MADD: variants seen among roughly 807,000 people sequenced by gnomAD.
MADD encodes the protein MAP kinase activating death domain.
A neutral mutation model predicts 176.7 loss-of-function variants in MADD; 109 were observed. The observed-to-expected ratio is 0.62, with a 90% CI of 0.53 to 0.72. The LOEUF is 0.72. Among genes scored for constraint, MADD ranks in the 30% least tolerant of loss-of-function variants. The pLI is 0.00. For synonymous variants in MADD, 771 were observed against 771.3 expected (o/e 1.00, Z 0.01); for missense variants, 1,914 against 2,045.5 (o/e 0.94, Z 1.24).
At chr11:47,328,676 T>C (rs758713524) in exon 32 of MADD, 1 of 1,614,214 alleles carries the variant, frequency 6.2e-7, no homozygotes, top group South Asian at 1.1e-5. Flanking sequence ...ATTAAAGAAG[T>C]GGTGAGCCAC....
intron 14 of MADD, 39 bp downstream of exon 14, chr11:47,285,629 A>G (rs757791512): frequency 3.1e-6 from 5 of 1,612,266 alleles, no homozygotes; most frequent in Non-Finnish European, 3.4e-6. Context: ...CCTGTGTTCC[A>G]TTTTCTCTAC....
chr11:47,300,454 C>A (rs1286183113), intron 22 of MADD, among the ~76,000 whole-genome samples: 1 of 127,714 alleles, frequency 7.8e-6, no homozygotes, highest in Non-Finnish European at 1.6e-5. Flanking sequence ...TGATCTACCC[C>A]CCGCCCGCCC....
At chr11:47,329,067 G>T (rs140803760) in exon 33 of MADD, 1 of 1,614,080 alleles carries the variant, frequency 6.2e-7, no homozygotes. Context: ...CTGCTACTCC[G>T]TATTATGTCT....
intron 5 of MADD, 137 bp downstream of exon 5, chr11:47,277,000 T>C: frequency 9.1e-7 from 1 of 1,093,618 alleles, no homozygotes; most frequent in South Asian, 1.5e-5. Flanking sequence ...TCTGACTGAT[T>C]TGAACTGATC....
intron 3 of MADD, 69 bp downstream of exon 3, chr11:47,275,228 C>A: frequency 7.2e-6 from 10 of 1,381,628 alleles, no homozygotes; most frequent in Non-Finnish European, 9.9e-6. Flanking sequence ...CTTTGAGGGG[C>A]ATAGGAAATT....
At chr11:47,273,420 C>A (rs1388208134) in intron 1 of MADD, among the ~76,000 whole-genome samples, 1 of 152,166 alleles carries the variant, frequency 6.6e-6, no homozygotes, top group Non-Finnish European at 1.5e-5. Context: ...CTCACCACAG[C>A]CTCCACCTCC....
Position 47,296,227 on chromosome 11 carries a change from A to G in MADD, c.3642+172A>G, listed in dbSNP as rs543578585. On this transcript the variant is annotated intron_variant, in intron 22 of 32. Transcript: ENST00000402192. ...ATTTCTTAAGGCTTTGTTCAGAGTCATTTGACTCACAATCTGGGGCTTTTA... is the reference window on the plus strand; with the variant it reads ...ATTTCTTAAGGCTTTGTTCAGAGTCGTTTGACTCACAATCTGGGGCTTTTA... 1.2e-4 allele frequency among the ~76,000 whole-genome samples: 18 copies of G among 152,304 alleles called. 1 individual carries two copies. In the South Asian group the frequency reaches 3.5e-3, roughly 30 times the overall value.
chr11:47,282,758 TG>T, intron 9 of MADD, 54 bp from the exon 10 acceptor site: 1 of 1,603,386 alleles, frequency 6.2e-7, no homozygotes, highest in South Asian at 1.1e-5. Context: ...TTTCAGGCGT[TG>T]CTTGCCTTTT....
At chr11:47,296,761 G>GTT (rs1386329077) in intron 22 of MADD, among the ~76,000 whole-genome samples, 7 of 116,138 alleles carry the variant, frequency 6.0e-5, no homozygotes, top group Non-Finnish European at 8.8e-5. Flanking sequence ...TCTGTTTTTT[G>GTT]TTGTTTTTTT....
exon 3 of MADD, chr11:47,274,600 T>A (rs774495229): frequency 6.2e-7 from 1 of 1,613,908 alleles, no homozygotes; most frequent in Non-Finnish European, 8.5e-7. Flanking sequence ...GACTCCTGAA[T>A]TGCTACGGCG....
chr11:47,287,297 GGGTGA>G (rs2061401851), intron 15 of MADD, among the ~76,000 whole-genome samples: 1 of 152,196 alleles, frequency 6.6e-6, no homozygotes, highest in African/African-American at 2.4e-5. Flanking sequence ...ACTCCAGCCT[GGGTGA>G]CAGAGCAAGA....
intron 13 of MADD, 22 bp downstream of exon 13, chr11:47,285,216 C>G (rs773879848): frequency 2.5e-6 from 4 of 1,609,298 alleles, no homozygotes; most frequent in Non-Finnish European, 2.5e-6. Flanking sequence ...GGCATCCCTT[C>G]TAGATGGGTG....
chr11:47,291,279 C>T (rs1223700234), intron 19 of MADD, among the ~76,000 whole-genome samples: 1 of 152,178 alleles, frequency 6.6e-6, no homozygotes. Context: ...TGCCTGGCAA[C>T]CCCATTTCCC....
Position 47,314,438 on chromosome 11 carries a change from A to G in MADD, c.4090-782A>G, listed in dbSNP as rs181200489. The stretch of plus-strand genomic sequence containing the variant: ...ATGTGCTTTCAGATTCCACACTGCA[A>G]CTAACTTTCAAAAGCTGCTTTTGCT... On this transcript the variant is annotated intron_variant, in intron 26 of 32. Transcript: ENST00000402192. 6.0e-4 allele frequency among the ~76,000 whole-genome samples: 92 copies of G among 152,110 alleles called. 1 individual carries two copies. The highest frequency in any genetic ancestry group is 2.0e-3 in the African/African-American group (83 of 41,488).
chr11:47,277,745 C>T (rs2051686059), intron 5 of MADD, among the ~76,000 whole-genome samples: 1 of 152,110 alleles, frequency 6.6e-6, no homozygotes, highest in African/African-American at 2.4e-5. Context: ...ACCGAGATGG[C>T]TACAGGCTGG....
chr11:47,328,322 G>A (rs2095681100), intron 31 of MADD: 6 of 1,216,372 alleles, frequency 4.9e-6, no homozygotes, highest in African/African-American at 1.5e-5. Context: ...GCTCCTCAGG[G>A]GCCCTGGACA....
At chr11:47,327,928 A>G (rs1016510064) in intron 31 of MADD, 1 of 983,260 alleles carries the variant, frequency 1.0e-6, no homozygotes, top group Non-Finnish European at 1.2e-6. Context: ...GAGCGGGGGG[A>G]CTCTCACTCT....
intron 27 of MADD, among the ~76,000 whole-genome samples, chr11:47,316,213 T>C (rs908162238): frequency 1.5e-4 from 23 of 152,074 alleles, no homozygotes; most frequent in Admixed American, 3.3e-4. Flanking sequence ...ATAGATGATA[T>C]AGTCACATTG....
intron 15 of MADD, 64 bp downstream of exon 15, chr11:47,286,598 A>C: frequency 8.0e-7 from 1 of 1,251,104 alleles, no homozygotes; most frequent in Non-Finnish European, 1.2e-6. Context: ...CTGTGGGTTC[A>C]TGTCAGGAGC....
Sources: gnomAD v4.1 joint callset for allele counts (sites outside exome capture counted in the v4.1 genomes callset) on GRCh38, gnomAD v4.1.1 for gene constraint, MANE v1.5 for transcripts, NCBI Gene and HGNC (gene_info 2026-07-23, HGNC 2026-07-21) for gene names.